Variants in ADAMTS20 observed in about 807,000 individuals in gnomAD.
ADAMTS20 encodes the protein ADAM metallopeptidase with thrombospondin type 1 motif 20.
Under a neutral mutation model 260.1 loss-of-function variants are expected in ADAMTS20, and 225 were observed. The ratio of observed to expected loss-of-function variants is 0.87; its 90% CI spans 0.78 to 0.97. ADAMTS20 has a LOEUF of 0.97. Among genes scored for constraint, ADAMTS20 ranks in the 50% least tolerant of loss-of-function variants. The probability of loss-of-function intolerance (pLI) is 0.00; values close to 1 mark genes in which losing one functional copy is unlikely to be tolerated. For missense variants in ADAMTS20, 2,400 were observed against 2,337.7 expected (o/e 1.03, Z -0.55); for synonymous variants, 802 against 769.5 (o/e 1.04, Z -0.70).
At chr12:43,405,856 G>T (rs956445452) in intron 28 of ADAMTS20, among the ~76,000 whole-genome samples, 1 of 152,112 alleles carries the variant, frequency 6.6e-6, no homozygotes, top group Non-Finnish European at 1.5e-5. Context: ...TGACAGCAAG[G>T]TGCATAAGTC....
At chr12:43,467,138 G>C (rs1477381457) in intron 8 of ADAMTS20, among the ~76,000 whole-genome samples, 1 of 152,032 alleles carries the variant, frequency 6.6e-6, no homozygotes, top group Non-Finnish European at 1.5e-5. Flanking sequence ...TGTGTGGATA[G>C]AGATTAGGTA....
chr12:43,544,544 A>G (rs971272017), intron 2 of ADAMTS20, among the ~76,000 whole-genome samples: 7 of 152,208 alleles, frequency 4.6e-5, no homozygotes, highest in Admixed American at 1.3e-4. Context: ...AACTGGTACA[A>G]CAAGGACGCC....
At position 43,429,720 on chromosome 12, in the gene ADAMTS20, C is replaced by G; in HGVS notation, c.3386G>C (p.Cys1129Ser). ...EASRPSDRQS[C>S]VLTPCSFISK... ...AATAAATGAGCAAGGTGTAAGTACACAGCTCTGTTCAGAAGAAAAATGGTT... is the reference window on the plus strand; with the variant it reads ...AATAAATGAGCAAGGTGTAAGTACAGAGCTCTGTTCAGAAGAAAAATGGTT... Residue 1129 changes from cysteine (C) to serine (S), a missense_variant, in exon 24 of 39, where the codon TGT (cysteine) becomes TCT (serine). Transcript: ENST00000389420. The G allele has an allele frequency of 6.4e-7, 1 of 1,556,878 alleles. No homozygotes were observed. The highest frequency in any genetic ancestry group is 1.2e-5 in the South Asian group (1 of 82,662).
At chr12:43,521,066 C>T (rs1264962707) in intron 3 of ADAMTS20, among the ~76,000 whole-genome samples, 2 of 152,216 alleles carry the variant, frequency 1.3e-5, no homozygotes, top group African/African-American at 4.8e-5. Flanking sequence ...CCTCACCTTA[C>T]TCCTTTCTGG....
chr12:43,375,158 G>A (rs1398925119), intron 36 of ADAMTS20, among the ~76,000 whole-genome samples: 2 of 118,480 alleles, frequency 1.7e-5, no homozygotes, highest in African/African-American at 6.4e-5. Context: ...GGCAGTAAGA[G>A]TGCAACTGCG....
intron 29 of ADAMTS20, among the ~76,000 whole-genome samples, chr12:43,390,252 G>C (rs1244265722): frequency 6.6e-6 from 1 of 152,194 alleles, no homozygotes; most frequent in African/African-American, 2.4e-5. Flanking sequence ...CATCTGTTTA[G>C]ATAGCTGTCT....
intron 29 of ADAMTS20, among the ~76,000 whole-genome samples, chr12:43,394,985 G>A (rs976044495): frequency 6.6e-6 from 1 of 151,962 alleles, no homozygotes; most frequent in African/African-American, 2.4e-5. Flanking sequence ...CTTTTCTTAT[G>A]GAGATTCAAC....
intron 37 of ADAMTS20, among the ~76,000 whole-genome samples, chr12:43,363,329 T>C (rs929688050): frequency 6.6e-6 from 1 of 151,932 alleles, no homozygotes; most frequent in African/African-American, 2.4e-5. Flanking sequence ...TAGCTGAGAG[T>C]CTGAAGCTCC....
intron 19 of ADAMTS20, 72 bp downstream of exon 19, chr12:43,434,173 G>C: frequency 6.9e-7 from 1 of 1,441,824 alleles, no homozygotes; most frequent in Non-Finnish European, 9.4e-7. Context: ...TGCTGTGTCA[G>C]TCACTGTGTT....
chr12:43,443,902 T>C lies in ADAMTS20; in HGVS notation c.2198-19A>G, dbSNP rs1372267101. Reference sequence around the variant, plus strand: ...TTATAACCTGCAATATAATTTTACATATGTTAAATTTCACAAAAAGCAGAT... The same window carrying C: ...TTATAACCTGCAATATAATTTTACACATGTTAAATTTCACAAAAAGCAGAT... On this transcript the variant is annotated intron_variant, in intron 15 of 38. Coordinates refer to ENST00000389420, the MANE Select transcript of ADAMTS20 (RefSeq NM_025003.5). The C allele has an allele frequency of 6.2e-7, 1 of 1,604,110 alleles. No homozygotes were observed. The highest frequency in any genetic ancestry group is 1.1e-5 in the South Asian group (1 of 90,746).
intron 28 of ADAMTS20, among the ~76,000 whole-genome samples, chr12:43,401,927 C>T (rs571543385): frequency 2.0e-5 from 3 of 151,942 alleles, no homozygotes; most frequent in Admixed American, 2.0e-4. Context: ...CTTAATGTGA[C>T]ACATTCGCTC....
rs781460004 is a variant in ADAMTS20, at chr12:43,551,218, G to T, written c.144C>A (p.Val48=). 6.2e-7 allele frequency: 1 copy of T among 1,613,868 alleles called. No individual in the cohort carries two copies. Among genetic ancestry groups the T allele is most frequent in the South Asian group, 1.1e-5 (1 of 91,076 alleles). Residue 48 remains valine, a synonymous_variant, in exon 2 of 39, where the codon GTC becomes GTA. Transcript: ENST00000389420. The surrounding 1 kb of genome is among the most constrained non-coding windows in gnomAD (Gnocchi z 4.6). ...TSYEVVIPER[V]NEFGEVFPQS... Reference sequence around the variant, plus strand: ...GAGGGAACACTTCTCCAAACTCATTGACCCGCTCGGGGATCACTACTTCGT... The same window carrying T: ...GAGGGAACACTTCTCCAAACTCATTTACCCGCTCGGGGATCACTACTTCGT...
chr12:43,396,083 T>G, intron 29 of ADAMTS20, among the ~76,000 whole-genome samples: 1 of 152,260 alleles, frequency 6.6e-6, no homozygotes, highest in Middle Eastern at 3.4e-3. Flanking sequence ...TTCTTTTAAA[T>G]GATTCAATTA....
intron 3 of ADAMTS20, among the ~76,000 whole-genome samples, chr12:43,531,160 T>A (rs1943215199): frequency 6.6e-6 from 1 of 151,820 alleles, no homozygotes; most frequent in Non-Finnish European, 1.5e-5. Flanking sequence ...AATGAACTGT[T>A]CCTACATGCA....
intron 28 of ADAMTS20, among the ~76,000 whole-genome samples, chr12:43,403,459 T>C (rs1412650613): frequency 6.6e-6 from 1 of 152,116 alleles, no homozygotes; most frequent in African/African-American, 2.4e-5. Context: ...GGGGGAAACA[T>C]ACAGGTACTG....
Position 43,512,435 on chromosome 12 carries a change from C to G in ADAMTS20, c.614-10030G>C, listed in dbSNP as rs542346809. Among the ~76,000 whole-genome samples the G allele has an allele frequency of 7.9e-5, 12 of 150,986 alleles. No individual in the cohort carries two copies. In the South Asian group the frequency reaches 2.3e-3, roughly 29 times the overall value. ...TGTAATATAACTAATAAAATATAAA[C>G]CTGAAATATATTTATTTTAAAAATT... On this transcript the variant is annotated intron_variant, in intron 3 of 38. Coordinates refer to ENST00000389420, the MANE Select transcript of ADAMTS20 (RefSeq NM_025003.5).
chr12:43,452,380 C>T lies in ADAMTS20; in HGVS notation c.1973G>A (p.Cys658Tyr). The T allele has an allele frequency of 6.2e-7, 1 of 1,613,040 alleles. No homozygotes were observed. Among genetic ancestry groups the T allele is most frequent in the Non-Finnish European group, 8.5e-7 (1 of 1,179,486 alleles). Reference protein sequence around the residue: ...IGTKDRCKLYCQVAGTNYFYL... With the variant: ...IGTKDRCKLYYQVAGTNYFYL... ...GAAATAATTGGTTCCAGCAACCTGACAATAGAGTTTACAACGATCCTTTGT... is the reference window on the plus strand; with the variant it reads ...GAAATAATTGGTTCCAGCAACCTGATAATAGAGTTTACAACGATCCTTTGT... Residue 658 changes from cysteine (C) to tyrosine (Y), a missense_variant, in exon 14 of 39, where the codon TGT becomes TAT. Physicochemically the swap from Cys to Tyr is radical, Grantham distance 194 (BLOSUM62 -2). Coordinates refer to ENST00000389420, the MANE Select transcript of ADAMTS20 (RefSeq NM_025003.5).
Position 43,432,586 on chromosome 12 carries a change from T to C in ADAMTS20, c.2931+15A>G. The C allele has an allele frequency of 6.2e-7, 1 of 1,610,716 alleles. No individual in the cohort carries two copies. Among genetic ancestry groups the C allele is most frequent in the South Asian group, 1.1e-5 (1 of 90,274 alleles). ...GAAAGGGGCAACTTTTTTTAAGCAA[T>C]CATTTTTATTGTACCTGAGACCATT... is the stretch of plus-strand genomic sequence containing the variant. On this transcript the variant is annotated intron_variant, in intron 20 of 38. Coordinates refer to ENST00000389420, the MANE Select transcript of ADAMTS20 (RefSeq NM_025003.5).
intron 9 of ADAMTS20, among the ~76,000 whole-genome samples, chr12:43,466,360 CCATCAAACATAGTTTT>C (rs1942151844): frequency 6.6e-6 from 1 of 151,588 alleles, no homozygotes; most frequent in Non-Finnish European, 1.5e-5. Flanking sequence ...ATTAAGTCTC[CCATCAAACATAGTTTT>C]CATCACAAGA....
Sources: gnomAD v4.1 joint callset for allele counts (sites outside exome capture counted in the v4.1 genomes callset) on GRCh38, gnomAD v4.1.1 for gene constraint, Gnocchi (gnomAD v3.1) non-coding constraint, MANE v1.5 for transcripts, NCBI Gene and HGNC (gene_info 2026-07-23, HGNC 2026-07-21) for gene names.